Variants in SYT1 observed in about 807,000 individuals in gnomAD.
SYT1 encodes the protein synaptotagmin 1, also known as synaptotagmin-1.
SYT1 carries 8 observed loss-of-function variants against 44.8 expected under a neutral mutation model. The ratio of observed to expected loss-of-function variants is 0.18; its 90% confidence interval spans 0.10 to 0.32. SYT1 has a LOEUF of 0.32. Ranked by LOEUF, SYT1 falls within the 10% of genes least tolerant of loss-of-function variation. The pLI is 1.00. For synonymous variants in SYT1, 154 were observed against 188.8 expected, an observed-to-expected ratio of 0.82 and a Z score of 1.51; for missense variants, 286 against 509.3, an observed-to-expected ratio of 0.56 and a Z score of 4.22.
chr12:79,299,621 T>C (rs1565897335), intron 8 of SYT1, 70 bp downstream of exon 8: 14 of 1,550,058 alleles, frequency 9.0e-6, no homozygotes, highest in Middle Eastern at 1.7e-4. Flanking sequence ...TAATAACTTA[T>C]TGAGAAATAC....
intron 3 of SYT1, among the ~76,000 whole-genome samples, chr12:79,149,623 T>C (rs977568563): frequency 1.3e-5 from 2 of 152,104 alleles, no homozygotes; most frequent in African/African-American, 4.8e-5. Context: ...ATCCATACTT[T>C]ATGGAAAAGA....
intron 4 of SYT1, among the ~76,000 whole-genome samples, chr12:79,282,000 G>A (rs1201740876): frequency 1.3e-5 from 2 of 152,064 alleles, no homozygotes; most frequent in Non-Finnish European, 2.9e-5. Context: ...GCATTCCTTG[G>A]CTCATGGTCC....
intron 3 of SYT1, among the ~76,000 whole-genome samples, chr12:79,158,096 G>A (rs1870712315): frequency 1.3e-5 from 2 of 152,002 alleles, no homozygotes; most frequent in South Asian, 4.2e-4. Context: ...CATTTATCAT[G>A]CACTTTATTT....
At chr12:79,041,642 C>T (rs1189722310) in intron 2 of SYT1, among the ~76,000 whole-genome samples, 29 of 151,984 alleles carry the variant, frequency 1.9e-4, no homozygotes, top group Admixed American at 1.9e-3. Flanking sequence ...ATTGCCCTGG[C>T]CAGAACTTCC....
At chr12:79,062,083 CAG>C (rs1315345262) in intron 3 of SYT1, among the ~76,000 whole-genome samples, 2 of 152,066 alleles carry the variant, frequency 1.3e-5, no homozygotes, top group East Asian at 3.9e-4. Context: ...GCATTTTGAT[CAG>C]AGTTATCATC....
chr12:79,044,844 A>G (rs1274823237), intron 2 of SYT1, among the ~76,000 whole-genome samples: 1 of 151,482 alleles, frequency 6.6e-6, no homozygotes, highest in African/African-American at 2.4e-5. Flanking sequence ...TTTCCTTCTA[A>G]CAGACAGGAC....
At chr12:79,222,841 C>CA (rs1875258896) in intron 4 of SYT1, among the ~76,000 whole-genome samples, 1 of 152,110 alleles carries the variant, frequency 6.6e-6, no homozygotes, top group African/African-American at 2.4e-5. Context: ...AGGCTGTCTT[C>CA]AAAATCAAAG....
rs548525260 is a variant in SYT1 at position 79,343,745 on chromosome 12, G to C, written c.811-9757G>C. 5.9e-5 allele frequency among the ~76,000 whole-genome samples: 9 copies of C among 152,220 alleles called. No individual in the cohort carries two copies. The East Asian group carries it at 1.7e-3, about 29-fold the overall frequency. ...ATATTGTGCTATACCAATATATGAT[G>C]TGTTTTATAAAACATATAAATGAAA... On this transcript the variant is annotated intron_variant, in intron 8 of 10. Coordinates refer to ENST00000261205, the MANE Select transcript of SYT1 (RefSeq NM_005639.3).
At chr12:79,188,673 A>G (rs775058807) in intron 3 of SYT1, among the ~76,000 whole-genome samples, 33 of 152,056 alleles carry the variant, frequency 2.2e-4, no homozygotes, top group Middle Eastern at 6.8e-3. Flanking sequence ...TCTAGCTAAT[A>G]CTCTTTTTTT....
chr12:79,012,711 G>A (rs968353651), intron 2 of SYT1, among the ~76,000 whole-genome samples: 3 of 152,150 alleles, frequency 2.0e-5, no homozygotes, highest in Admixed American at 1.3e-4. Flanking sequence ...ACAGCCAGCT[G>A]TCTACAAACA....
intron 1 of SYT1, among the ~76,000 whole-genome samples, chr12:78,948,107 A>C (rs1878766807): frequency 6.6e-6 from 1 of 151,814 alleles, no homozygotes; most frequent in Non-Finnish European, 1.5e-5. Context: ...CCATTTAATT[A>C]AGAAAAAGAG....
intron 2 of SYT1, among the ~76,000 whole-genome samples, chr12:79,042,744 CT>C (rs1338155710): frequency 6.7e-6 from 1 of 149,472 alleles, no homozygotes; most frequent in African/African-American, 2.4e-5. Context: ...ATCTTTCCTG[CT>C]TTCTCCTGTG....
chr12:79,229,965 G>T (rs1285766695), intron 4 of SYT1, among the ~76,000 whole-genome samples: 1 of 152,058 alleles, frequency 6.6e-6, no homozygotes, highest in Non-Finnish European at 1.5e-5. Flanking sequence ...GTCATTTTCA[G>T]TATATTAAAA....
chr12:79,272,725 G>A (rs1878497062), intron 4 of SYT1, among the ~76,000 whole-genome samples: 1 of 152,120 alleles, frequency 6.6e-6, no homozygotes, highest in Non-Finnish European at 1.5e-5. Context: ...ATAACCAAGG[G>A]GCTGAGAACC....
At chr12:79,427,306 T>C (rs1006549727) in intron 9 of SYT1, among the ~76,000 whole-genome samples, 5 of 152,200 alleles carry the variant, frequency 3.3e-5, no homozygotes, top group African/African-American at 1.2e-4. Context: ...AGTGAGTAAA[T>C]TATGCCATTT....
At chr12:78,989,619 G>GAGAGAAAAT (rs1869885217) in intron 2 of SYT1, among the ~76,000 whole-genome samples, 1 of 152,106 alleles carries the variant, frequency 6.6e-6, no homozygotes, top group Admixed American at 6.6e-5. Context: ...TTGGGGAGAA[G>GAGAGAAAAT]AGAGAAAATA....
At chr12:79,398,511 A>ATATT (rs1884954858) in intron 9 of SYT1, among the ~76,000 whole-genome samples, 1 of 152,212 alleles carries the variant, frequency 6.6e-6, no homozygotes, top group Admixed American at 6.5e-5. Flanking sequence ...AAGTCAGTAA[A>ATATT]TAGGTGCCGA....
At position 78,916,636 on chromosome 12, in the gene SYT1, A is replaced by T. The variant is rs4529943; in HGVS notation, c.-217+51527A>T. Among the ~76,000 whole-genome samples the T allele has an allele frequency of 2.2e-3, 339 of 151,858 alleles. 3 individuals carry two copies. The highest frequency in any genetic ancestry group is 7.8e-3 in the African/African-American group (325 of 41,488). On this transcript the variant is annotated intron_variant, in intron 1 of 10. Coordinates refer to ENST00000261205, the MANE Select transcript of SYT1 (RefSeq NM_005639.3). ...GCAAAGTATCCTTTATTTATAAAGG[A>T]CTTGGTTAATTGTACCCAATGAAAC...
intron 3 of SYT1, among the ~76,000 whole-genome samples, chr12:79,179,355 G>T (rs1048414215): frequency 0.39 from 1,502 of 3,838 alleles, 169 homozygotes; most frequent in South Asian, 0.49. Context: ...TGTCTATATC[G>T]ATATAGATAT....
Sources: allele counts gnomAD v4.1 joint callset (sites outside exome capture counted in the v4.1 genomes callset), GRCh38; gene constraint gnomAD v4.1.1; transcripts MANE v1.5; gene names NCBI Gene and HGNC (gene_info 2026-07-23, HGNC 2026-07-21).